STRN: variants seen among roughly 807,000 people sequenced by gnomAD.
STRN encodes protein phosphatase 2 regulatory subunit B'''alpha.
A neutral mutation model predicts 96.3 loss-of-function variants in STRN; 53 were observed. The observed-to-expected ratio is 0.55, with a 90% CI of 0.44 to 0.69. The LOEUF (loss-of-function observed/expected upper bound fraction) is 0.69, where lower values mean the gene tolerates loss of function less well. Among genes scored for constraint, STRN ranks in the 30% least tolerant of loss-of-function variants. STRN has a pLI of 0.00. For missense variants in STRN, 987 were observed against 963.9 expected (o/e 1.02, Z -0.32); for synonymous variants, 428 against 355.9 (o/e 1.20, Z -2.28).
chr2:36,952,448 A>AG (rs1664776045), intron 1 of STRN, among the ~76,000 whole-genome samples: 2 of 143,216 alleles, frequency 1.4e-5, no homozygotes, highest in South Asian at 2.4e-4. Flanking sequence ...GAAGCACGAG[A>AG]GAAAAAAAAA....
In STRN at chr2:36,944,124, AAAAC is replaced by A. The variant is rs143204409; in HGVS notation, c.235-18920_235-18917del. Reference sequence around the variant, plus strand: ...AACAAGAGTGAAACGCTATCTCAAAAAAACAAACAAAAAAACTCATACTTAAAAC... The same window carrying A: ...AACAAGAGTGAAACGCTATCTCAAAAAAACAAAAAAACTCATACTTAAAAC... On this transcript the variant is annotated intron_variant, in intron 1 of 17. Coordinates refer to ENST00000263918, the MANE Select transcript of STRN (RefSeq NM_003162.4). Among the ~76,000 whole-genome samples, 1,397 of 152,344 alleles carry A rather than the reference AAAAC, an allele frequency of 9.2e-3. 25 individuals carry two copies. The highest frequency in any genetic ancestry group is 0.032 in the African/African-American group (1,338 of 41,586).
At chr2:36,965,723 C>T (rs3770770) in intron 1 of STRN, among the ~76,000 whole-genome samples, 28,028 of 152,130 alleles carry the variant, frequency 0.18, 3,215 homozygotes, top group East Asian at 0.5. Context: ...AACACTTTTG[C>T]CCAACGTCAA....
At chr2:36,930,450 TC>T (rs1253796169) in intron 1 of STRN, among the ~76,000 whole-genome samples, 1 of 149,772 alleles carries the variant, frequency 6.7e-6, no homozygotes, top group African/African-American at 2.4e-5. Context: ...AAAAAAAGTG[TC>T]ATTATCATTT....
chr2:36,892,719 C>G (rs1329501239), intron 7 of STRN, among the ~76,000 whole-genome samples: 1 of 152,118 alleles, frequency 6.6e-6, no homozygotes, highest in African/African-American at 2.4e-5. Flanking sequence ...TAAAACCTAA[C>G]TTTAAAAAAG....
chr2:36,945,059 G>T (rs2148259160), intron 1 of STRN, among the ~76,000 whole-genome samples: 1 of 152,074 alleles, frequency 6.6e-6, no homozygotes, highest in South Asian at 2.1e-4. Context: ...ATATGTCAAA[G>T]AAATGATCAA....
intron 13 of STRN, among the ~76,000 whole-genome samples, chr2:36,860,418 A>G (rs1668447112): frequency 6.6e-6 from 1 of 152,186 alleles, no homozygotes; most frequent in Non-Finnish European, 1.5e-5. Context: ...AAATGCTGGG[A>G]AAAATTTTTG....
At chr2:36,948,130 C>T (rs1414653925) in intron 1 of STRN, among the ~76,000 whole-genome samples, 1 of 98,720 alleles carries the variant, frequency 1.0e-5, no homozygotes, top group Non-Finnish European at 1.9e-5. Flanking sequence ...GTGACAGAGT[C>T]TCACTCTGTC....
Position 36,842,905 on chromosome 2 carries a change from G to A in STRN, c.*6551C>T, listed in dbSNP as rs1190624781. 6.6e-6 allele frequency among the ~76,000 whole-genome samples: 1 copy of A among 152,102 alleles called. No homozygotes were observed. The highest frequency in any genetic ancestry group is 2.4e-5 in the African/African-American group (1 of 41,408). On this transcript the variant is annotated 3_prime_UTR_variant, in exon 18 of 18. Transcript: ENST00000263918. ...TTATAATGTTTAGGTTAAAAGGTAT[G>A]CTTGACTCCCAAGGTGTTCTGGGAA... is the stretch of plus-strand genomic sequence containing the variant.
At position 36,884,088 on chromosome 2, in the gene STRN, A is replaced by T; in HGVS notation, c.1043-13T>A. On this transcript the variant is annotated splice_polypyrimidine_tract_variant and intron_variant, in intron 8 of 17. Transcript: ENST00000263918. ...GACCTATTGGGCCCTAGCCAAAAAA[A>T]GGGGGGGTGGGAGGAGATAAAAAAG... 5 of 1,316,490 alleles carry T rather than the reference A, an allele frequency of 3.8e-6. No individual in the cohort carries two copies. The highest frequency in any genetic ancestry group is 3.0e-5 in the South Asian group (1 of 33,814). The allele number at this position is 1,316,490 out of a possible 1,614,324, so 81.6% of individuals were successfully genotyped here. A position where few individuals can be genotyped will look rare whatever the true frequency, so the allele number is the denominator to read the frequency against.
chr2:36,856,578 A>G (rs1207299621), intron 14 of STRN, among the ~76,000 whole-genome samples: 1 of 152,360 alleles, frequency 6.6e-6, no homozygotes, highest in African/African-American at 2.4e-5. Context: ...GAGTAGATAA[A>G]ACTAATCTAT....
chr2:36,844,325 GATA>G lies in STRN; in HGVS notation c.*5128_*5130del, dbSNP rs1339392321. 3.3e-5 allele frequency: 5 copies of G among 152,074 alleles called. No individual in the cohort carries two copies. In the East Asian group the frequency reaches 7.7e-4, roughly 23 times the overall value. The allele number at this position is 152,074 out of a possible 1,614,324, so 9.4% of individuals were successfully genotyped here. On this transcript the variant is annotated 3_prime_UTR_variant, in exon 18 of 18. Transcript: ENST00000263918. ...GTAGACCAAAGACTTTCTGATTGCT[GATA>G]ATAACAAATTTAGCAGCTCTCTACA...
chr2:36,876,600 C>A (rs1246379482), intron 10 of STRN, among the ~76,000 whole-genome samples: 1 of 152,010 alleles, frequency 6.6e-6, no homozygotes, highest in Non-Finnish European at 1.5e-5. Context: ...GGTACCTGTG[C>A]TGCAAGAGAT....
At chr2:36,866,438 G>A (rs1389140966) in intron 12 of STRN, among the ~76,000 whole-genome samples, 4 of 152,204 alleles carry the variant, frequency 2.6e-5, no homozygotes, top group Non-Finnish European at 5.9e-5. Context: ...TAAATTTGCC[G>A]AGAAGTGTTT....
chr2:36,966,296 C>A lies in STRN; in HGVS notation c.168G>T (p.Leu56=). ...QYSLPGILHF[L]QHEWARFEVE... The stretch of plus-strand genomic sequence containing the variant: ...CCTCGAAGCGGGCCCACTCGTGCTG[C>A]AGGAAGTGCAGGATCCCCGGGAGAC... Residue 56 remains leucine (L), a synonymous_variant, in exon 1 of 18, where the codon CTG becomes CTT. Coordinates refer to ENST00000263918, the MANE Select transcript of STRN (RefSeq NM_003162.4). The A allele has an allele frequency of 6.3e-7, 1 of 1,576,442 alleles. No individual in the cohort carries two copies. Among genetic ancestry groups the A allele is most frequent in the Non-Finnish European group, 8.6e-7 (1 of 1,163,864 alleles).
intron 1 of STRN, among the ~76,000 whole-genome samples, chr2:36,930,400 C>A (rs907282547): frequency 4.0e-5 from 6 of 151,278 alleles, no homozygotes; most frequent in African/African-American, 1.5e-4. Flanking sequence ...CCACTGCACT[C>A]CAGAATGGGC....
intron 1 of STRN, among the ~76,000 whole-genome samples, chr2:36,955,580 C>T (rs909381321): frequency 2.0e-5 from 3 of 152,156 alleles, no homozygotes; most frequent in African/African-American, 7.2e-5. Context: ...TCTGTCTCTT[C>T]TCCCCTTCTA....
intron 1 of STRN, among the ~76,000 whole-genome samples, chr2:36,933,085 C>A (rs914187351): frequency 6.6e-6 from 1 of 150,704 alleles, no homozygotes; most frequent in African/African-American, 2.5e-5. Context: ...CACACACACA[C>A]ATATATATGC....
chr2:36,896,944 G>A (rs919991407), intron 6 of STRN, among the ~76,000 whole-genome samples: 59 of 152,134 alleles, frequency 3.9e-4, no homozygotes, highest in Admixed American at 2.0e-4. Context: ...AAGGCAGGCG[G>A]ATCACCTGAG....
chr2:36,889,270 G>A (rs2717522), intron 7 of STRN, among the ~76,000 whole-genome samples: 130,333 of 152,166 alleles, frequency 0.86, 57,664 homozygotes, highest in Non-Finnish European at 0.96. Flanking sequence ...TTTCAATCCA[G>A]TTTAGAAAAC....
Sources: allele counts gnomAD v4.1 joint callset (sites outside exome capture counted in the v4.1 genomes callset), GRCh38; gene constraint gnomAD v4.1.1; transcripts MANE v1.5; gene names NCBI Gene and HGNC (gene_info 2026-07-23, HGNC 2026-07-21).